Variants in PRSS12 observed in about 807,000 individuals in gnomAD.
The protein encoded by PRSS12 is serine protease 12, also known as neurotrypsin.
A neutral mutation model predicts 104.4 loss-of-function variants in PRSS12; 85 were observed. The ratio of observed to expected loss-of-function variants is 0.81; its 90% CI spans 0.68 to 0.98. The LOEUF (loss-of-function observed/expected upper bound fraction) is 0.98, where lower values mean the gene tolerates loss of function less well. PRSS12 is among the 50% of genes least tolerant of loss of function. PRSS12 has a pLI of 0.00. For missense variants in PRSS12, 1,141 were observed against 1,139.2 expected, an observed-to-expected ratio of 1.00 and a Z score of -0.02; for synonymous variants, 454 against 425.2, an observed-to-expected ratio of 1.07 and a Z score of -0.83.
chr4:118,343,397 A>G (rs1724265447), intron 1 of PRSS12, among the ~76,000 whole-genome samples: 1 of 152,132 alleles, frequency 6.6e-6, no homozygotes, highest in Admixed American at 6.6e-5. Flanking sequence ...CCTGTCTCAA[A>G]AAACAAAAAA....
At chr4:118,335,799 A>C (rs1724050554) in intron 2 of PRSS12, 148 bp from the exon 3 acceptor site, 3 of 784,258 alleles carry the variant, frequency 3.8e-6, no homozygotes, top group Non-Finnish European at 6.3e-6. Flanking sequence ...AAAAGACTAC[A>C]TCAGTTTCAA....
chr4:118,313,329 C>T lies in PRSS12; in HGVS notation c.1361G>A (p.Ser454Asn). ...STGPIWLDDV[S>N]CSGKETRFLQ... is the part of the protein sequence containing the mutation. ...AAATCTGGTTTCCTTTCCTGAGCAG[C>T]TGACGTCATCCAACCATATGGGCCC... is the stretch of plus-strand genomic sequence containing the variant. Residue 454 changes from serine to asparagine, a missense_variant, in exon 7 of 13, where the codon AGC (serine) becomes AAC (asparagine). Physicochemically the swap from Ser to Asn is conservative, Grantham distance 46. Coordinates refer to ENST00000296498, the MANE Select transcript of PRSS12 (RefSeq NM_003619.4). 3 of 1,614,148 alleles carry T rather than the reference C, an allele frequency of 1.9e-6. No homozygotes were observed. The highest frequency in any genetic ancestry group is 2.5e-6 in the Non-Finnish European group (3 of 1,180,012).
Position 118,282,064 on chromosome 4 carries a change from GC to G in PRSS12, c.2499del (p.Gly835GlufsTer9), listed in dbSNP as rs1560761293. The G allele has an allele frequency of 6.2e-7, 1 of 1,614,160 alleles. No homozygotes were observed. Among genetic ancestry groups the G allele is most frequent in the Non-Finnish European group, 8.5e-7 (1 of 1,180,032 alleles). On this transcript the variant is annotated frameshift_variant, in exon 13 of 13. Coordinates refer to ENST00000296498, the MANE Select transcript of PRSS12 (RefSeq NM_003619.4). LOFTEE classifies it high-confidence loss of function. ...GDSGGPLMCE[R>X]PGESWVVYGV... The stretch of plus-strand genomic sequence containing the variant: ...CCATACACCACCCAGCTCTCTCCGG[GC>G]CGTTCACACATGAGTGGTCCTCCGC...
At chr4:118,296,380 T>A (rs906320253) in intron 9 of PRSS12, among the ~76,000 whole-genome samples, 1 of 152,142 alleles carries the variant, frequency 6.6e-6, no homozygotes, top group African/African-American at 2.4e-5. Flanking sequence ...GCTAAGCCAA[T>A]TGAAGTGGTA....
intron 4 of PRSS12, among the ~76,000 whole-genome samples, chr4:118,325,947 T>G (rs1271664673): frequency 6.6e-6 from 1 of 152,198 alleles, no homozygotes; most frequent in Non-Finnish European, 1.5e-5. Context: ...CTGGTTCTAT[T>G]TCCAATCCCT....
Position 118,331,728 on chromosome 4 carries a change from T to A in PRSS12, c.959A>T (p.Gln320Leu). ...AGTAAAAACAAACCTGAGGCCCAGC[T>A]GCCTGCAGATCACTTCTGCATCGGC... ...DDADAEVICR[Q>L]LGLSGIAKAW... Residue 320 changes from glutamine to leucine, a missense_variant, in exon 4 of 13, where the codon CAG becomes CTG. Transcript: ENST00000296498. 6.2e-7 allele frequency: 1 copy of A among 1,614,168 alleles called. No individual in the cohort carries two copies. The highest frequency in any genetic ancestry group is 8.5e-7 in the Non-Finnish European group (1 of 1,180,030).
At chr4:118,284,463 G>C (rs1247118518) in intron 11 of PRSS12, among the ~76,000 whole-genome samples, 1 of 151,932 alleles carries the variant, frequency 6.6e-6, no homozygotes, top group Non-Finnish European at 1.5e-5. Context: ...GTAGTTCCCT[G>C]ACTTACTCAT....
Position 118,352,350 on chromosome 4 carries a change from G to T in PRSS12, c.371C>A (p.Pro124Gln). The change falls in exon 1 of 13, where the codon CCA becomes CAA. Residue 124 changes from proline (P) to glutamine (Q), a missense_variant. Coordinates refer to ENST00000296498, the MANE Select transcript of PRSS12 (RefSeq NM_003619.4). Reference sequence around the variant, plus strand: ...TCCTCGCAGCTGAGCCCAGCTCGCTGGGGGCGACCGCTCCAGGAAGGGTGG... The same window carrying T: ...TCCTCGCAGCTGAGCCCAGCTCGCTTGGGGCGACCGCTCCAGGAAGGGTGG... ...EVPPFLERSP[P>Q]ASWAQLRGQR... The T allele has an allele frequency of 1.9e-6, 3 of 1,572,348 alleles. No individual in the cohort carries two copies. Among genetic ancestry groups the T allele is most frequent in the Non-Finnish European group, 1.7e-6 (2 of 1,164,590 alleles).
At chr4:118,315,258 G>C (rs1743875070) in intron 6 of PRSS12, among the ~76,000 whole-genome samples, 1 of 152,020 alleles carries the variant, frequency 6.6e-6, no homozygotes, top group Non-Finnish European at 1.5e-5. Flanking sequence ...TCCATTACTA[G>C]AGCTGATATG....
chr4:118,340,083 G>A (rs1347728040), intron 1 of PRSS12, among the ~76,000 whole-genome samples: 3 of 152,148 alleles, frequency 2.0e-5, no homozygotes, highest in African/African-American at 7.2e-5. Context: ...AAGAAATGAT[G>A]TACACATGAA....
chr4:118,315,166 G>A (rs1031827416), intron 6 of PRSS12, among the ~76,000 whole-genome samples: 2 of 152,022 alleles, frequency 1.3e-5, no homozygotes, highest in African/African-American at 4.8e-5. Context: ...ATTACAGTAT[G>A]AAAATTCTGT....
In PRSS12 at chr4:118,295,778, C is replaced by T. The variant is rs1337934011; in HGVS notation, c.1916G>A (p.Arg639Lys). The change falls in exon 10 of 13, where the codon AGG becomes AAG. Residue 639 changes from arginine (R) to lysine (K), a missense_variant and splice_region_variant. Transcript: ENST00000296498. ...KRIIGGKNSLRGGWPWQVSLR... is the reference protein window; with the variant it reads ...KRIIGGKNSLKGGWPWQVSLR... ...AAATCTCTTTTGGAGGAACATTTAC[C>T]TTAAAGAATTTTTCCCACCAATGAT... The T allele has an allele frequency of 1.2e-6, 2 of 1,611,890 alleles. No homozygotes were observed. The highest frequency in any genetic ancestry group is 1.7e-6 in the Non-Finnish European group (2 of 1,178,104).
At chr4:118,346,637 C>T (rs1159018944) in intron 1 of PRSS12, among the ~76,000 whole-genome samples, 2 of 152,048 alleles carry the variant, frequency 1.3e-5, no homozygotes, top group African/African-American at 4.8e-5. Context: ...CCCAGGCTGC[C>T]CAGCAGGAGG....
chr4:118,329,758 T>C lies in PRSS12; in HGVS notation c.971+1958A>G, dbSNP rs182212299. ...GCTTGTAGACACAAAACCCTATAAA[T>C]TAAGAAATACGTTATAGATGAGAAA... On this transcript the variant is annotated intron_variant, in intron 4 of 12. Coordinates refer to ENST00000296498, the MANE Select transcript of PRSS12 (RefSeq NM_003619.4). 5.3e-5 allele frequency among the ~76,000 whole-genome samples: 8 copies of C among 152,272 alleles called. No homozygotes were observed. The East Asian group carries it at 1.5e-3, about 29-fold the overall frequency.
At chr4:118,324,932 A>T (rs1723730253) in intron 4 of PRSS12, among the ~76,000 whole-genome samples, 1 of 152,014 alleles carries the variant, frequency 6.6e-6, no homozygotes. Context: ...GCTGGTCTCG[A>T]ACTCCTGACA....
At chr4:118,332,662 A>C (rs1723958619) in intron 3 of PRSS12, among the ~76,000 whole-genome samples, 1 of 152,208 alleles carries the variant, frequency 6.6e-6, no homozygotes, top group Admixed American at 6.5e-5. Flanking sequence ...TCTTGGCTAG[A>C]ATGAGGACAG....
chr4:118,303,785 T>C (rs1743461484), intron 8 of PRSS12: 1 of 152,084 alleles, frequency 6.6e-6, no homozygotes, highest in African/African-American at 2.4e-5. Context: ...ATCAAACTTC[T>C]CTTTCAAAAT....
At chr4:118,303,344 T>G (rs1743448364) in intron 8 of PRSS12, 1 of 152,030 alleles carries the variant, frequency 6.6e-6, no homozygotes, top group African/African-American at 2.4e-5. Flanking sequence ...TTTAACTCAC[T>G]TAAAGAAACC....
intron 11 of PRSS12, among the ~76,000 whole-genome samples, chr4:118,284,966 T>C (rs1023836422): frequency 3.3e-5 from 5 of 152,202 alleles, no homozygotes; most frequent in Non-Finnish European, 7.3e-5. Context: ...CATTTTCTAG[T>C]GTCTATTTAA....
Sources: allele counts gnomAD v4.1 joint callset (sites outside exome capture counted in the v4.1 genomes callset), GRCh38; gene constraint gnomAD v4.1.1; transcripts MANE v1.5; gene names NCBI Gene and HGNC (gene_info 2026-07-23, HGNC 2026-07-21).